CLVS1: variants seen among roughly 807,000 people sequenced by gnomAD.
The protein encoded by CLVS1 is clavesin-1.
In CLVS1, 10 loss-of-function variants were observed where a neutral mutation model predicts 33.1. The ratio of observed to expected loss-of-function variants is 0.30; its 90% CI spans 0.19 to 0.51. The LOEUF is 0.51. CLVS1 is among the 20% of genes least tolerant of loss of function. CLVS1 has a pLI of 0.97. For synonymous variants in CLVS1, 163 were observed against 166.1 expected, an observed-to-expected ratio of 0.98 and a Z score of 0.14; for missense variants, 343 against 433.4, an observed-to-expected ratio of 0.79 and a Z score of 1.85.
the CLVS1 span, among the ~76,000 whole-genome samples, chr8:61,038,435 T>TTG: frequency 1.3e-4 from 16 of 120,594 alleles, no homozygotes; most frequent in South Asian, 2.0e-3. Flanking sequence ...CTCCTGTCGT[T>TTG]TGTATATATA....
At chr8:61,044,701 G>C in the CLVS1 span, among the ~76,000 whole-genome samples, 5 of 152,194 alleles carry the variant, frequency 3.3e-5, no homozygotes, top group African/African-American at 4.8e-5. Context: ...TTGTGGTCTT[G>C]AAAGACATTG....
At chr8:61,078,150 G>A (rs570729514) in intron 1 of CLVS1, among the ~76,000 whole-genome samples, 2 of 152,340 alleles carry the variant, frequency 1.3e-5, no homozygotes, top group South Asian at 2.1e-4. Flanking sequence ...TCTCCGGGGC[G>A]CATGAGGCAG....
intron 2 of CLVS1, among the ~76,000 whole-genome samples, chr8:61,218,507 G>T (rs1808139137): frequency 6.6e-6 from 1 of 151,900 alleles, no homozygotes; most frequent in South Asian, 2.1e-4. Flanking sequence ...GGGAAGGATA[G>T]GAGGAAAGGA....
chr8:61,192,618 C>T (rs1428822479), intron 2 of CLVS1, among the ~76,000 whole-genome samples: 3 of 152,144 alleles, frequency 2.0e-5, no homozygotes, highest in African/African-American at 7.2e-5. Context: ...GCAATCTGCT[C>T]ATCTGACAAA....
chr8:61,180,865 A>G (rs1377862422), intron 2 of CLVS1, among the ~76,000 whole-genome samples: 1 of 152,222 alleles, frequency 6.6e-6, no homozygotes, highest in Non-Finnish European at 1.5e-5. Context: ...GTTTATGACA[A>G]ACCAACAGCC....
At chr8:61,481,860 A>G (rs984612255) in intron 5 of CLVS1, among the ~76,000 whole-genome samples, 2 of 152,242 alleles carry the variant, frequency 1.3e-5, no homozygotes, top group Non-Finnish European at 2.9e-5. Context: ...TGGTTCTCCC[A>G]GCATGGAGTT....
intron 5 of CLVS1, among the ~76,000 whole-genome samples, chr8:61,463,549 A>C (rs570440522): frequency 6.6e-6 from 1 of 152,302 alleles, no homozygotes; most frequent in African/African-American, 2.4e-5. Context: ...AAGGTTATTA[A>C]TTAACCTAGT....
chr8:61,134,902 A>G (rs1454800397), intron 2 of CLVS1, among the ~76,000 whole-genome samples: 2 of 152,010 alleles, frequency 1.3e-5, no homozygotes, highest in African/African-American at 4.8e-5. Flanking sequence ...GGGGGTGGGT[A>G]GTTTTATCCT....
intron 5 of CLVS1, 31 bp downstream of exon 5, chr8:61,458,573 C>T (rs528431763): frequency 5.7e-6 from 8 of 1,400,312 alleles, no homozygotes; most frequent in Non-Finnish European, 5.8e-6. Flanking sequence ...GCCCCCCCCC[C>T]AGTCAGAGGT....
At chr8:61,315,304 G>A (rs892695916) in intron 2 of CLVS1, among the ~76,000 whole-genome samples, 1 of 152,132 alleles carries the variant, frequency 6.6e-6, no homozygotes, top group Admixed American at 6.5e-5. Flanking sequence ...TTGTCTTTGA[G>A]CAAGGATGTA....
intron 2 of CLVS1, among the ~76,000 whole-genome samples, chr8:61,311,847 C>T (rs1332358657): frequency 6.6e-6 from 1 of 152,206 alleles, no homozygotes; most frequent in African/African-American, 2.4e-5. Context: ...ATGCTAAGCT[C>T]ACTCAATTAG....
At chr8:61,078,347 G>C (rs940832605) in intron 1 of CLVS1, among the ~76,000 whole-genome samples, 1 of 152,172 alleles carries the variant, frequency 6.6e-6, no homozygotes, top group Non-Finnish European at 1.5e-5. Context: ...GATTTGGACG[G>C]GGACACCTGG....
the CLVS1 span, among the ~76,000 whole-genome samples, chr8:61,019,357 C>G: frequency 1.3e-5 from 2 of 152,196 alleles, no homozygotes; most frequent in Non-Finnish European, 2.9e-5. Flanking sequence ...CTAATGATGT[C>G]TAAACTGATC....
intron 2 of CLVS1, among the ~76,000 whole-genome samples, chr8:61,326,756 G>A (rs768886950): frequency 8.6e-5 from 13 of 151,994 alleles, no homozygotes; most frequent in Admixed American, 1.3e-4. Context: ...TACTATAATC[G>A]ATATTTATTG....
At chr8:61,370,377 A>G (rs1813384220) in intron 2 of CLVS1, 2 of 151,198 alleles carry the variant, frequency 1.3e-5, no homozygotes, top group African/African-American at 4.9e-5. Context: ...CCAAGTCTCC[A>G]AAGTCCACTG....
chr8:60,966,613 G>C, the CLVS1 span: 1 of 239,210 alleles, frequency 4.2e-6, no homozygotes, highest in Non-Finnish European at 8.6e-6. Flanking sequence ...GGAGTTGGAG[G>C]GAACTTAGGT....
At chr8:61,118,939 G>C (rs1805800209) in intron 1 of CLVS1, among the ~76,000 whole-genome samples, 2 of 152,082 alleles carry the variant, frequency 1.3e-5, no homozygotes, top group African/African-American at 2.4e-5. Flanking sequence ...TTGACTTTCT[G>C]TCTCGTTGAT....
chr8:61,059,497 T>TAC (rs1199915866), intron 1 of CLVS1, among the ~76,000 whole-genome samples: 5 of 100,712 alleles, frequency 5.0e-5, no homozygotes, highest in African/African-American at 1.4e-4. Context: ...TATATATATA[T>TAC]ATACACATAT....
intron 2 of CLVS1, among the ~76,000 whole-genome samples, chr8:61,341,886 C>T (rs2129598240): frequency 6.6e-6 from 1 of 152,292 alleles, no homozygotes; most frequent in Non-Finnish European, 1.5e-5. Context: ...TGAATGGATG[C>T]TGAAATCACT....
Sources: gnomAD v4.1 joint callset for allele counts (sites outside exome capture counted in the v4.1 genomes callset) on GRCh38, gnomAD v4.1.1 for gene constraint, MANE v1.5 for transcripts, NCBI Gene and HGNC (gene_info 2026-07-23, HGNC 2026-07-21) for gene names.